Variants in TTC39C observed in about 807,000 individuals in gnomAD.
TTC39C encodes the protein tetratricopeptide repeat domain 39C.
In TTC39C, 33 loss-of-function variants were observed where a neutral mutation model predicts 76.3. That is an observed-to-expected ratio of 0.43 (90% confidence interval 0.33 to 0.58). The LOEUF (loss-of-function observed/expected upper bound fraction) is 0.58. TTC39C is among the 20% of genes least tolerant of loss of function. The pLI is 0.04. For missense variants in TTC39C, 595 were observed against 701.4 expected (o/e 0.85, Z 1.71); for synonymous variants, 254 against 260.6 (o/e 0.97, Z 0.24).
At chr18:24,046,282 T>G (rs552783192) in intron 1 of TTC39C, among the ~76,000 whole-genome samples, 1 of 151,852 alleles carries the variant, frequency 6.6e-6, no homozygotes, top group South Asian at 2.1e-4. Flanking sequence ...TTCTTACTTG[T>G]ATCCTGCCTT....
At chr18:24,073,235 C>T (rs1482283024) in intron 4 of TTC39C, among the ~76,000 whole-genome samples, 1 of 152,194 alleles carries the variant, frequency 6.6e-6, no homozygotes, top group Non-Finnish European at 1.5e-5. Flanking sequence ...ACTGCTTAAA[C>T]CCATGCTTTA....
chr18:24,019,026 G>C (rs2083488912), intron 1 of TTC39C, among the ~76,000 whole-genome samples: 1 of 152,122 alleles, frequency 6.6e-6, no homozygotes, highest in African/African-American at 2.4e-5. Flanking sequence ...TTCACCGTTG[G>C]CTCCTTGGGA....
At chr18:24,082,015 GTT>G (rs35218868) in intron 5 of TTC39C, among the ~76,000 whole-genome samples, 1,590 of 120,728 alleles carry the variant, frequency 0.013, 15 homozygotes, top group African/African-American at 0.047. Context: ...TCTGGCTGTT[GTT>G]TTTTTTTTTT....
At chr18:24,084,219 C>T (rs2084413657) in intron 6 of TTC39C, among the ~76,000 whole-genome samples, 1 of 152,180 alleles carries the variant, frequency 6.6e-6, no homozygotes, top group African/African-American at 2.4e-5. Flanking sequence ...CATGGTGGCT[C>T]ATGCCTGCAG....
At position 24,113,418 on chromosome 18, in the gene TTC39C, C is replaced by T. The variant is rs957665994; in HGVS notation, c.985-1136C>T. 9.7e-5 allele frequency: 58 copies of T among 599,860 alleles called. No homozygotes were observed. In the African/African-American group the frequency reaches 1.0e-3, roughly 10 times the overall value. The allele number at this position is 599,860 out of a possible 1,614,324, so 37.2% of individuals were successfully genotyped here. On this transcript the variant is annotated intron_variant, in intron 6 of 13. Coordinates refer to ENST00000317571, the MANE Select transcript of TTC39C (RefSeq NM_001135993.2). ...GTCCTCTGAGAAGCCTGCAGCTTCTCCTCCAGGACCCTTCCAGCCCACCTG... is the reference window on the plus strand; with the variant it reads ...GTCCTCTGAGAAGCCTGCAGCTTCTTCTCCAGGACCCTTCCAGCCCACCTG...
rs550163269 is a variant in TTC39C at position 24,039,542 on chromosome 18, C to T, written c.167+24504C>T. Among the ~76,000 whole-genome samples the T allele has an allele frequency of 3.2e-4, 48 of 152,312 alleles. No individual in the cohort carries two copies. In the South Asian group the frequency reaches 8.9e-3, roughly 28 times the overall value. The stretch of plus-strand genomic sequence containing the variant: ...AGACGGAGTCTCAGTGTGTTGCCCA[C>T]GTTGGTCTCAAACTCCTGGCCTCAA... On this transcript the variant is annotated intron_variant, in intron 1 of 13. Transcript: ENST00000317571.
intron 8 of TTC39C, among the ~76,000 whole-genome samples, chr18:24,123,138 A>G (rs528655367): frequency 6.6e-6 from 1 of 152,312 alleles, no homozygotes; most frequent in East Asian, 1.9e-4. Flanking sequence ...CGAAGCTTTC[A>G]TGATCCTCGG....
At position 24,032,231 on chromosome 18, in the gene TTC39C, T is replaced by G. The variant is rs115999713; in HGVS notation, c.167+17193T>G. On this transcript the variant is annotated intron_variant, in intron 1 of 13. Coordinates refer to ENST00000317571, the MANE Select transcript of TTC39C (RefSeq NM_001135993.2). ...GAACTGTAAGAGAATACATTTCTCTTGTTTTCAGCCACCAGGTTTATGGTA... is the reference window on the plus strand; with the variant it reads ...GAACTGTAAGAGAATACATTTCTCTGGTTTTCAGCCACCAGGTTTATGGTA... Among the ~76,000 whole-genome samples, 885 of 152,330 alleles carry G rather than the reference T, an allele frequency of 5.8e-3. 10 individuals are homozygous for G. The highest frequency in any genetic ancestry group is 0.02 in the African/African-American group (838 of 41,568).
intron 1 of TTC39C, among the ~76,000 whole-genome samples, chr18:24,048,494 T>C (rs748807850): frequency 1.3e-5 from 2 of 152,266 alleles, no homozygotes; most frequent in Admixed American, 6.5e-5. Flanking sequence ...GGGCCAGTTA[T>C]GCCTGTATGA....
At chr18:24,047,155 G>A (rs1030773959) in intron 1 of TTC39C, among the ~76,000 whole-genome samples, 3 of 151,580 alleles carry the variant, frequency 2.0e-5, no homozygotes, top group South Asian at 4.2e-4. Flanking sequence ...GTGCAGTGGC[G>A]CGATCTCCGC....
chr18:24,131,728 A>G (rs1036456159), intron 12 of TTC39C, among the ~76,000 whole-genome samples, 154 bp from the exon 13 acceptor site: 7 of 148,166 alleles, frequency 4.7e-5, no homozygotes, highest in African/African-American at 1.7e-4. Context: ...AAAAAAAAAA[A>G]GAAGAATATT....
chr18:24,069,554 G>A (rs939387437), intron 4 of TTC39C, among the ~76,000 whole-genome samples: 8 of 152,164 alleles, frequency 5.3e-5, no homozygotes, highest in Non-Finnish European at 8.8e-5. Flanking sequence ...ATGTATAATA[G>A]TTTTTCTTTG....
chr18:24,113,830 T>C, intron 6 of TTC39C: 2 of 630,388 alleles, frequency 3.2e-6, no homozygotes, highest in Non-Finnish European at 5.8e-6. Flanking sequence ...TGGGAGTAAG[T>C]AGAGCGGACA....
In TTC39C at chr18:24,135,345, C is replaced by T. The variant is rs1003688933; in HGVS notation, c.*2771C>T. On this transcript the variant is annotated 3_prime_UTR_variant, in exon 14 of 14. Coordinates refer to ENST00000317571, the MANE Select transcript of TTC39C (RefSeq NM_001135993.2). Reference sequence around the variant, plus strand: ...TATCCTAGGCTTGGTACAGATGGCGCCTGTGGTAAATCTGTGTTAACATGG... The same window carrying T: ...TATCCTAGGCTTGGTACAGATGGCGTCTGTGGTAAATCTGTGTTAACATGG... The T allele has an allele frequency of 1.3e-5, 2 of 152,374 alleles. No individual in the cohort carries two copies. Among genetic ancestry groups the T allele is most frequent in the Admixed American group, 6.6e-5 (1 of 15,246 alleles). The allele number at this position is 152,374 out of a possible 1,614,324, so 9.4% of individuals were successfully genotyped here. A position where few individuals can be genotyped will look rare whatever the true frequency, so the allele number is the denominator to read the frequency against.
intron 4 of TTC39C, among the ~76,000 whole-genome samples, chr18:24,070,433 G>A (rs1311502008): frequency 6.6e-6 from 1 of 152,162 alleles, no homozygotes; most frequent in African/African-American, 2.4e-5. Flanking sequence ...TGCTGACTCA[G>A]ATATAAAAGA....
chr18:24,111,206 G>C (rs1205089158), intron 6 of TTC39C, among the ~76,000 whole-genome samples: 2 of 151,984 alleles, frequency 1.3e-5, no homozygotes, highest in African/African-American at 4.8e-5. Flanking sequence ...TAGCCAGGCT[G>C]GTGTCGATCT....
intron 8 of TTC39C, among the ~76,000 whole-genome samples, chr18:24,122,500 C>CAAAAAAAAA (rs36002596): frequency 0.012 from 633 of 50,860 alleles, 113 homozygotes; most frequent in East Asian, 0.078. Flanking sequence ...GACTCCATCT[C>CAAAAAAAAA]AAAAAAAAAA....
At position 24,110,648 on chromosome 18, in the gene TTC39C, C is replaced by T. The variant is rs1366121907; in HGVS notation, c.985-3906C>T. On this transcript the variant is annotated intron_variant, in intron 6 of 13. Transcript: ENST00000317571. ...CAGTTGCTAGAAGAACTAAAAAATA[C>T]CTAGGAATATACCTACAAGAGGGCA... 2.6e-5 allele frequency among the ~76,000 whole-genome samples: 4 copies of T among 152,262 alleles called. No individual in the cohort carries two copies. In the East Asian group the frequency reaches 5.8e-4, roughly 22 times the overall value.
intron 6 of TTC39C, among the ~76,000 whole-genome samples, chr18:24,107,629 C>T (rs1481430186): frequency 1.3e-5 from 2 of 152,218 alleles, no homozygotes; most frequent in East Asian, 1.9e-4. Flanking sequence ...GCTCCTCCTT[C>T]GCCTTCTGCC....
Sources: gnomAD v4.1 joint callset for allele counts (sites outside exome capture counted in the v4.1 genomes callset) on GRCh38, gnomAD v4.1.1 for gene constraint, MANE v1.5 for transcripts, NCBI Gene and HGNC (gene_info 2026-07-23, HGNC 2026-07-21) for gene names.